RSU1: variants seen among roughly 807,000 people sequenced by gnomAD.
RSU1 encodes the protein rsu-1.
A neutral mutation model predicts 31.1 loss-of-function variants in RSU1; 26 were observed. The observed-to-expected ratio is 0.84, with a 90% CI of 0.61 to 1.16. RSU1 has a LOEUF of 1.16. RSU1 is among the 50% of genes most tolerant of loss of function. The pLI is 0.00. For missense variants in RSU1, 320 were observed against 339.1 expected (o/e 0.94, Z 0.44); for synonymous variants, 164 against 136.3 (o/e 1.20, Z -1.41).
chr10:16,798,144 G>A (rs1018259829), intron 2 of RSU1, among the ~76,000 whole-genome samples: 1 of 152,062 alleles, frequency 6.6e-6, no homozygotes, highest in Non-Finnish European at 1.5e-5. Flanking sequence ...TTATAGGCAT[G>A]AGGGATTTCT....
chr10:16,679,660 G>A (rs1214583072), intron 8 of RSU1, among the ~76,000 whole-genome samples: 3 of 152,162 alleles, frequency 2.0e-5, no homozygotes, highest in African/African-American at 7.2e-5. Flanking sequence ...GTGGAAAGCA[G>A]GTTGTATCTC....
chr10:16,665,464 G>A (rs1484265631), intron 8 of RSU1, among the ~76,000 whole-genome samples: 3 of 152,146 alleles, frequency 2.0e-5, no homozygotes, highest in Non-Finnish European at 4.4e-5. Flanking sequence ...CCACAGCAAT[G>A]CATTAAATTC....
At chr10:16,802,876 T>C (rs1462484013) in intron 2 of RSU1, among the ~76,000 whole-genome samples, 1 of 152,090 alleles carries the variant, frequency 6.6e-6, no homozygotes, top group Admixed American at 6.6e-5. Context: ...GGAAGAACTT[T>C]CTCAACTTAA....
chr10:16,738,067 T>A (rs768945561), intron 7 of RSU1, among the ~76,000 whole-genome samples: 2 of 152,132 alleles, frequency 1.3e-5, no homozygotes, highest in African/African-American at 4.8e-5. Flanking sequence ...AAGAAAATAT[T>A]TGAAACTGAA....
At chr10:16,693,530 T>G (rs945612190) in intron 8 of RSU1, among the ~76,000 whole-genome samples, 9 of 152,122 alleles carry the variant, frequency 5.9e-5, no homozygotes, top group Admixed American at 3.9e-4. Context: ...TTTAGCAATC[T>G]TCTAGCTTTC....
At chr10:16,755,071 G>A (rs1193939079) in intron 4 of RSU1, 82 bp from the exon 5 acceptor site, 7 of 770,866 alleles carry the variant, frequency 9.1e-6, no homozygotes, top group South Asian at 3.2e-5. Context: ...TGTTTCAGAC[G>A]CTGAAAGTGT....
intron 7 of RSU1, among the ~76,000 whole-genome samples, chr10:16,726,183 A>G (rs1836388931): frequency 6.6e-6 from 1 of 151,924 alleles, no homozygotes; most frequent in Non-Finnish European, 1.5e-5. Context: ...ATTCAAATTT[A>G]CATTTAAAAA....
At chr10:16,594,213 A>G (rs1016097626) in intron 8 of RSU1, among the ~76,000 whole-genome samples, 2 of 152,132 alleles carry the variant, frequency 1.3e-5, no homozygotes, top group African/African-American at 4.8e-5. Context: ...TGTGTCTCCA[A>G]GAGAGCCTGG....
rs550140716 is a variant in RSU1, at chr10:16,616,934, G to T, written c.732-23438C>A. ...GAACGGGTATTCCCTTTGAAAAATG[G>T]CACAAGACAAAGATGCCCTCTCTCA... On this transcript the variant is annotated intron_variant, in intron 8 of 8. Coordinates refer to ENST00000345264, the MANE Select transcript of RSU1 (RefSeq NM_012425.4). Among the ~76,000 whole-genome samples the T allele has an allele frequency of 2.0e-5, 3 of 152,194 alleles. No homozygotes were observed. The East Asian group carries it at 5.8e-4, about 29-fold the overall frequency.
Position 16,794,998 on chromosome 10 carries a change from T to C in RSU1, c.110-12914A>G, listed in dbSNP as rs1837997776. On this transcript the variant is annotated intron_variant, in intron 2 of 8. Transcript: ENST00000345264. ...AAAGAGAGAAAAAAGATTATTTATG[T>C]AATGACCACTACATCACTGTGTTGT... 2.0e-5 allele frequency among the ~76,000 whole-genome samples: 3 copies of C among 152,238 alleles called. No individual in the cohort carries two copies. In the South Asian group the frequency reaches 6.2e-4, roughly 31 times the overall value.
intron 8 of RSU1, among the ~76,000 whole-genome samples, chr10:16,634,170 T>C (rs1332678027): frequency 6.6e-6 from 1 of 152,222 alleles, no homozygotes; most frequent in Non-Finnish European, 1.5e-5. Flanking sequence ...CAAGGCTTAT[T>C]TAGATACATT....
intron 8 of RSU1, among the ~76,000 whole-genome samples, chr10:16,658,569 C>T (rs1417110720): frequency 1.3e-5 from 2 of 151,920 alleles, no homozygotes; most frequent in African/African-American, 4.8e-5. Flanking sequence ...ACTAAAAATA[C>T]AAAAATTAAC....
At chr10:16,644,105 TGG>T (rs35016756) in intron 8 of RSU1, among the ~76,000 whole-genome samples, 3 of 144,522 alleles carry the variant, frequency 2.1e-5, no homozygotes, top group African/African-American at 2.6e-5. Flanking sequence ...CAGAGGGTGG[TGG>T]GGGGGGGTCC....
intron 8 of RSU1, among the ~76,000 whole-genome samples, chr10:16,658,005 A>C (rs1186262480): frequency 6.6e-6 from 1 of 152,110 alleles, no homozygotes; most frequent in Admixed American, 6.6e-5. Context: ...AAAATAATAA[A>C]AAATTCTGTA....
At chr10:16,721,199 G>C (rs1005358220) in intron 7 of RSU1, among the ~76,000 whole-genome samples, 4 of 152,152 alleles carry the variant, frequency 2.6e-5, no homozygotes, top group Non-Finnish European at 4.4e-5. Flanking sequence ...ACCCAGTGTA[G>C]AGAGAACAGT....
intron 8 of RSU1, among the ~76,000 whole-genome samples, chr10:16,639,106 T>C (rs2131499505): frequency 6.6e-6 from 1 of 152,338 alleles, no homozygotes; most frequent in East Asian, 1.9e-4. Context: ...AATTATTTCT[T>C]GGATATCATG....
At chr10:16,747,276 G>A (rs1412573990) in intron 7 of RSU1, among the ~76,000 whole-genome samples, 2 of 152,146 alleles carry the variant, frequency 1.3e-5, no homozygotes, top group African/African-American at 4.8e-5. Context: ...ACTCTTAAAT[G>A]TATGCTGATA....
intron 7 of RSU1, among the ~76,000 whole-genome samples, chr10:16,729,999 C>T (rs1445155313): frequency 6.6e-6 from 1 of 152,216 alleles, no homozygotes; most frequent in Non-Finnish European, 1.5e-5. Flanking sequence ...CCTGGTTCCA[C>T]AGGCTGCACA....
intron 3 of RSU1, among the ~76,000 whole-genome samples, chr10:16,775,314 T>C (rs1407643099): frequency 1.3e-5 from 2 of 152,164 alleles, no homozygotes; most frequent in East Asian, 3.9e-4. Flanking sequence ...AGTTGGAAAG[T>C]GACAGGCTTA....
Sources: gnomAD v4.1 joint callset for allele counts (sites outside exome capture counted in the v4.1 genomes callset) on GRCh38, gnomAD v4.1.1 for gene constraint, MANE v1.5 for transcripts, NCBI Gene and HGNC (gene_info 2026-07-23, HGNC 2026-07-21) for gene names.